The following DISP3 variants were observed in gnomAD, a reference collection of about 807,000 sequenced individuals.
DISP3 encodes protein dispatched homolog 3.
Under a neutral mutation model 135.3 loss-of-function variants are expected in DISP3, and 101 were observed. That is an observed-to-expected ratio of 0.75 (90% CI 0.64 to 0.88). The LOEUF (loss-of-function observed/expected upper bound fraction) is 0.88. DISP3 is among the 40% of genes least tolerant of loss of function. The probability of loss-of-function intolerance (pLI) is 0.00; values close to 1 mark genes in which losing one functional copy is unlikely to be tolerated. For missense variants in DISP3, 1,713 were observed against 1,878.6 expected, an observed-to-expected ratio of 0.91 and a Z score of 1.63; for synonymous variants, 856 against 817.0, an observed-to-expected ratio of 1.05 and a Z score of -0.81.
At chr1:11,496,501 G>C (rs555519604) in intron 1 of DISP3, among the ~76,000 whole-genome samples, 5 of 152,156 alleles carry the variant, frequency 3.3e-5, no homozygotes, top group Non-Finnish European at 7.3e-5. Flanking sequence ...AGTCCTCCTA[G>C]TCCTACTCCG....
chr1:11,529,585 C>G lies in DISP3; in HGVS notation c.2828C>G (p.Pro943Arg). Residue 943 changes from proline to arginine, a missense_variant, in exon 14 of 21, where the codon CCC becomes CGC. Physicochemically the swap from Pro to Arg is moderately radical, Grantham distance 103 (BLOSUM62 -2). Coordinates refer to ENST00000294484, the MANE Select transcript of DISP3 (RefSeq NM_020780.2). This position sits in a 1 kb window ranked among gnomAD's most constrained non-coding sequence, Gnocchi z 4.7. ...RKLYFAQSHK[P>R]PFHGRVCMAP... ...CTGTACTTCGCCCAGTCCCACAAGC[C>G]CCCCTTCCACGGGCGCGTATGCATG... The G allele has an allele frequency of 6.3e-7, 1 of 1,596,032 alleles. No individual in the cohort carries two copies. Among genetic ancestry groups the G allele is most frequent in the Non-Finnish European group, 8.6e-7 (1 of 1,167,960 alleles).
At chr1:11,526,268 C>T (rs1465553658) in intron 12 of DISP3, among the ~76,000 whole-genome samples, 3 of 152,216 alleles carry the variant, frequency 2.0e-5, no homozygotes, top group South Asian at 2.1e-4. Flanking sequence ...AGCCCTGCCC[C>T]GGCGCCTTTC....
At position 11,519,822 on chromosome 1, in the gene DISP3, G is replaced by A. The variant is rs765008370; in HGVS notation, c.2142G>A (p.Gln714=). 1 of 1,612,720 alleles carries A rather than the reference G, an allele frequency of 6.2e-7. No homozygotes were observed. The highest frequency in any genetic ancestry group is 8.5e-7 in the Non-Finnish European group (1 of 1,179,970). Residue 714 remains glutamine, a synonymous_variant, in exon 9 of 21, where the codon CAG becomes CAA. Transcript: ENST00000294484. The surrounding 1 kb of genome is among the most constrained non-coding windows in gnomAD (Gnocchi z 4.3). ...GCGGCCATCTCATCGTGCAGCTGCA[G>A]GAGCTGCTGCACCACTGGGTCCTGT... ...GSRGHLIVQL[Q]ELLHHWVLWS...
intron 1 of DISP3, among the ~76,000 whole-genome samples, chr1:11,480,214 A>T (rs1640858796): frequency 6.6e-6 from 1 of 151,998 alleles, no homozygotes; most frequent in Admixed American, 6.5e-5. Flanking sequence ...TCCCCCACTC[A>T]CTGCGAGACT....
intron 1 of DISP3, among the ~76,000 whole-genome samples, chr1:11,484,433 G>A (rs1045615176): frequency 1.3e-5 from 2 of 152,186 alleles, no homozygotes; most frequent in African/African-American, 4.8e-5. Context: ...GGCTGGTCAC[G>A]CTTGCTGGCA....
chr1:11,530,279 C>T (rs557517534), intron 15 of DISP3, among the ~76,000 whole-genome samples: 3 of 152,336 alleles, frequency 2.0e-5, no homozygotes, highest in East Asian at 1.9e-4. Flanking sequence ...CCTCTGAGCT[C>T]GGCCGTGGCT....
intron 10 of DISP3, 52 bp from the exon 11 acceptor site, chr1:11,523,890 A>C: frequency 6.7e-7 from 1 of 1,489,446 alleles, no homozygotes; most frequent in Non-Finnish European, 9.3e-7. Context: ...CATCGGGCCC[A>C]GGCCAGGATG....
In DISP3 at chr1:11,499,548, C is replaced by T. The variant is rs938785245; in HGVS notation, c.-3-1442C>T. Among the ~76,000 whole-genome samples, 4 of 152,172 alleles carry T rather than the reference C, an allele frequency of 2.6e-5. No individual in the cohort carries two copies. The highest frequency in any genetic ancestry group is 2.1e-4 in the South Asian group (1 of 4,834). ...GGGAAGTTTAATTATTTCATTAATA[C>T]GAATCTTGCATATTACAGGAGCAAT... On this transcript the variant is annotated intron_variant, in intron 1 of 20. Transcript: ENST00000294484. The surrounding 1 kb of genome is among the most constrained non-coding windows in gnomAD (Gnocchi z 5.2).
At chr1:11,534,340 C>T in intron 17 of DISP3, 41 bp from the exon 18 acceptor site, 1 of 1,612,382 alleles carries the variant, frequency 6.2e-7, no homozygotes, top group Non-Finnish European at 8.5e-7. Flanking sequence ...GGGTGGGCCA[C>T]AGTCCCTGCC....
Position 11,520,751 on chromosome 1 carries a change from G to T in DISP3, c.2265G>T (p.Arg755=), listed in dbSNP as rs1272916451. 5 of 1,613,530 alleles carry T rather than the reference G, an allele frequency of 3.1e-6. No homozygotes were observed. The African/African-American group carries it at 6.7e-5, about 21-fold the overall frequency. The part of the protein sequence containing the change: ...VFASRLRPAS[R]APLLFRPDTN... ...CCAGCCGGCTCCGCCCCGCCAGCCG[G>T]GCCCCGCTACTCTTCCGGCCTGATA... The change falls in exon 10 of 21, where the codon CGG becomes CGT. Residue 755 remains arginine (R), a synonymous_variant. Transcript: ENST00000294484. This position sits in a 1 kb window ranked among gnomAD's most constrained non-coding sequence, Gnocchi z 4.8.
chr1:11,490,614 G>C (rs1215423749), intron 1 of DISP3, among the ~76,000 whole-genome samples: 5 of 152,130 alleles, frequency 3.3e-5, no homozygotes. Flanking sequence ...CCTCATTGAT[G>C]CCAAGGCTGC....
intron 17 of DISP3, chr1:11,533,842 C>A: frequency 1.4e-6 from 1 of 717,822 alleles, no homozygotes; most frequent in Non-Finnish European, 2.6e-6. Context: ...GTGCCTATTT[C>A]TCTCATTCAT....
At position 11,535,475 on chromosome 1, in the gene DISP3, C is replaced by A. The variant is rs907169709; in HGVS notation, c.3650-3C>A. 3 of 1,602,292 alleles carry A rather than the reference C, an allele frequency of 1.9e-6. No homozygotes were observed. Among genetic ancestry groups the A allele is most frequent in the African/African-American group, 2.7e-5 (2 of 74,738 alleles). ...AGCTGCCCCCCCTGCTGTCTCCTTG[C>A]AGGCATCGTGTGCCTGGTGGTGACC... On this transcript the variant is annotated splice_region_variant and splice_polypyrimidine_tract_variant and intron_variant, in intron 19 of 20. Transcript: ENST00000294484.
At chr1:11,517,158 G>A (rs145114334) in intron 6 of DISP3, among the ~76,000 whole-genome samples, 350 of 152,290 alleles carry the variant, frequency 2.3e-3, no homozygotes, top group Middle Eastern at 3.4e-3. Flanking sequence ...ATTCATTCGC[G>A]TAATGACAGC....
At chr1:11,513,337 A>G (rs1641911171) in intron 3 of DISP3, among the ~76,000 whole-genome samples, 2 of 152,154 alleles carry the variant, frequency 1.3e-5, no homozygotes, top group Admixed American at 1.3e-4. Flanking sequence ...CTGGATATGA[A>G]TTATTTCAGT....
At chr1:11,524,428 G>A (rs1436870905) in intron 11 of DISP3, among the ~76,000 whole-genome samples, 2 of 152,004 alleles carry the variant, frequency 1.3e-5, no homozygotes, top group African/African-American at 4.8e-5. Context: ...CCATCAGGCA[G>A]CTGTGTCTGT....
At chr1:11,490,775 C>T (rs1463089549) in intron 1 of DISP3, among the ~76,000 whole-genome samples, 2 of 152,140 alleles carry the variant, frequency 1.3e-5, no homozygotes, top group African/African-American at 4.8e-5. Flanking sequence ...TCTGACATTA[C>T]CTCCAGAGGC....
intron 15 of DISP3, among the ~76,000 whole-genome samples, chr1:11,530,238 C>T (rs2100511195): frequency 6.6e-6 from 1 of 152,328 alleles, no homozygotes; most frequent in East Asian, 1.9e-4. Context: ...CAGGTGGACA[C>T]CTCCGTGCCC....
rs185116637 is a variant in DISP3 at position 11,515,951 on chromosome 1, C to A, written c.1589-50C>A. Reference sequence around the variant, plus strand: ...GTCTAGGGCCAGGTTGGGCCTAATCCTGGAGACAGCAGAATAATCCTGAGC... The same window carrying A: ...GTCTAGGGCCAGGTTGGGCCTAATCATGGAGACAGCAGAATAATCCTGAGC... On this transcript the variant is annotated intron_variant, in intron 5 of 20. Transcript: ENST00000294484. 272 of 1,596,416 alleles carry A rather than the reference C, an allele frequency of 1.7e-4. No individual in the cohort carries two copies. In the African/African-American group the frequency reaches 3.3e-3, roughly 19 times the overall value.
Sources: gnomAD v4.1 joint callset for allele counts (sites outside exome capture counted in the v4.1 genomes callset) on GRCh38, gnomAD v4.1.1 for gene constraint, Gnocchi (gnomAD v3.1) non-coding constraint, MANE v1.5 for transcripts, NCBI Gene and HGNC (gene_info 2026-07-23, HGNC 2026-07-21) for gene names.